The following HMGCLL1 variants were observed in gnomAD, a reference collection of about 807,000 sequenced individuals.
HMGCLL1 encodes the protein 3-hydroxymethyl-3-methylglutaryl-CoA lyase, cytoplasmic.
In HMGCLL1, 36 loss-of-function variants were observed where a neutral mutation model predicts 39.1. That is an observed-to-expected ratio of 0.92 (90% confidence interval 0.71 to 1.22). The LOEUF (loss-of-function observed/expected upper bound fraction) is 1.22. HMGCLL1 is among the 50% of genes most tolerant of loss of function. The pLI, the probability that HMGCLL1 is intolerant of heterozygous loss-of-function variation, is 0.00. For missense variants in HMGCLL1, 451 were observed against 416.5 expected (o/e 1.08, Z -0.72); for synonymous variants, 149 against 144.0 (o/e 1.03, Z -0.25).
chr6:55,654,240 T>A, the HMGCLL1 span, among the ~76,000 whole-genome samples: 2 of 151,824 alleles, frequency 1.3e-5, no homozygotes, highest in East Asian at 1.9e-4. Flanking sequence ...AGGAGGACAC[T>A]GAACTGACTG....
At chr6:55,557,445 C>A (rs1490188825) in intron 1 of HMGCLL1, among the ~76,000 whole-genome samples, 1 of 152,110 alleles carries the variant, frequency 6.6e-6, no homozygotes, top group East Asian at 1.9e-4. Flanking sequence ...TAGTTTGCTT[C>A]TCACTCACTG....
At chr6:55,594,834 A>G in the HMGCLL1 span, among the ~76,000 whole-genome samples, 1 of 152,114 alleles carries the variant, frequency 6.6e-6, no homozygotes, top group Non-Finnish European at 1.5e-5. Flanking sequence ...GTCAGAGGGA[A>G]ATACTTAAAA....
chr6:55,628,041 A>C, the HMGCLL1 span, among the ~76,000 whole-genome samples: 2 of 1,192 alleles, frequency 1.7e-3, no homozygotes, highest in Non-Finnish European at 2.2e-3. Flanking sequence ...AGTATATTTT[A>C]TATATATATA....
intron 7 of HMGCLL1, among the ~76,000 whole-genome samples, chr6:55,457,426 C>T (rs1764371533): frequency 6.6e-6 from 1 of 152,040 alleles, no homozygotes; most frequent in South Asian, 2.1e-4. Flanking sequence ...GAGGATTTTC[C>T]CTCCCCCCAC....
the HMGCLL1 span, among the ~76,000 whole-genome samples, chr6:55,608,994 G>T: frequency 6.6e-6 from 1 of 152,242 alleles, no homozygotes; most frequent in Non-Finnish European, 1.5e-5. Context: ...AGCCAAGGGA[G>T]CTGGTGAGTG....
At chr6:55,661,438 G>C in the HMGCLL1 span, among the ~76,000 whole-genome samples, 10 of 151,934 alleles carry the variant, frequency 6.6e-5, no homozygotes, top group South Asian at 2.1e-4. Context: ...CCTATGGCTA[G>C]ACAAGTATCC....
chr6:55,558,989 T>C (rs2127469401), intron 1 of HMGCLL1, among the ~76,000 whole-genome samples: 1 of 152,266 alleles, frequency 6.6e-6, no homozygotes, highest in Non-Finnish European at 1.5e-5. Flanking sequence ...AAGTAGGCAT[T>C]TCCATACCTT....
At chr6:55,497,037 G>T (rs916429263) in intron 6 of HMGCLL1, among the ~76,000 whole-genome samples, 3 of 151,980 alleles carry the variant, frequency 2.0e-5, no homozygotes, top group Admixed American at 6.6e-5. Context: ...AATTTATCTG[G>T]CTCATAAATA....
At chr6:55,627,879 C>T in the HMGCLL1 span, among the ~76,000 whole-genome samples, 230 of 28,240 alleles carry the variant, frequency 8.1e-3, 8 homozygotes, top group Middle Eastern at 0.052. Flanking sequence ...TAATAAACTC[C>T]CTTATATATA....
At chr6:55,444,772 T>C (rs1177109501) in intron 7 of HMGCLL1, among the ~76,000 whole-genome samples, 1 of 152,008 alleles carries the variant, frequency 6.6e-6, no homozygotes, top group South Asian at 2.1e-4. Context: ...TAACCTGTAG[T>C]AAAATGACTG....
chr6:55,464,960 G>A (rs1764736439), intron 7 of HMGCLL1, among the ~76,000 whole-genome samples: 1 of 152,170 alleles, frequency 6.6e-6, no homozygotes, highest in Non-Finnish European at 1.5e-5. Context: ...AAGACGGCTA[G>A]GGATTTCACT....
At chr6:55,510,797 T>TA (rs1767418532) in intron 5 of HMGCLL1, among the ~76,000 whole-genome samples, 1 of 150,016 alleles carries the variant, frequency 6.7e-6, no homozygotes, top group East Asian at 2.0e-4. Flanking sequence ...ATAATAATAA[T>TA]AATAAATATA....
intron 7 of HMGCLL1, among the ~76,000 whole-genome samples, chr6:55,468,001 G>A (rs1193347942): frequency 6.6e-6 from 1 of 152,010 alleles, no homozygotes; most frequent in African/African-American, 2.4e-5. Context: ...GGTAAATAAA[G>A]TGAAGTGGAC....
chr6:55,438,893 T>G (rs773716402), intron 8 of HMGCLL1, among the ~76,000 whole-genome samples: 1 of 152,096 alleles, frequency 6.6e-6, no homozygotes, highest in Non-Finnish European at 1.5e-5. Context: ...TTGGTGGATG[T>G]GGTTACATAG....
the HMGCLL1 span, among the ~76,000 whole-genome samples, chr6:55,658,387 G>A: frequency 8.6e-5 from 13 of 151,988 alleles, no homozygotes; most frequent in Admixed American, 2.6e-4. Context: ...ATTGAATAAT[G>A]TGTCCAAACC....
the HMGCLL1 span, among the ~76,000 whole-genome samples, chr6:55,629,990 C>T: frequency 6.6e-6 from 1 of 152,188 alleles, no homozygotes; most frequent in Non-Finnish European, 1.5e-5. Context: ...AGAGTCCCCA[C>T]ACAGTGTCCC....
the HMGCLL1 span, among the ~76,000 whole-genome samples, chr6:55,649,674 C>T: frequency 6.6e-6 from 1 of 151,840 alleles, no homozygotes; most frequent in Non-Finnish European, 1.5e-5. Context: ...AACTTTCTAC[C>T]CCTATCTCTC....
intron 1 of HMGCLL1, chr6:55,563,721 C>T (rs1281209245): frequency 2.4e-6 from 1 of 415,562 alleles, no homozygotes; most frequent in East Asian, 7.5e-5. Context: ...TGCATCAAAA[C>T]TAGCTAAATA....
chr6:55,439,205 G>A (rs767626651), intron 8 of HMGCLL1, among the ~76,000 whole-genome samples: 19 of 152,090 alleles, frequency 1.2e-4, no homozygotes, highest in Admixed American at 8.5e-4. Flanking sequence ...AGGTCATGAA[G>A]CACTATAAAA....
Sources: gnomAD v4.1 joint callset for allele counts (sites outside exome capture counted in the v4.1 genomes callset) on GRCh38, gnomAD v4.1.1 for gene constraint, MANE v1.5 for transcripts, NCBI Gene and HGNC (gene_info 2026-07-23, HGNC 2026-07-21) for gene names.